The following BRCA2 variants were observed in gnomAD, a reference collection of about 807,000 sequenced individuals.
The protein encoded by BRCA2 is BRCA2 DNA repair associated, also known as breast cancer type 2 susceptibility protein.
A neutral mutation model predicts 276.7 loss-of-function variants in BRCA2; 203 were observed. The observed-to-expected ratio is 0.73, with a 90% CI of 0.65 to 0.82. The LOEUF (loss-of-function observed/expected upper bound fraction) is 0.82, where lower values mean the gene tolerates loss of function less well. Ranked by LOEUF, BRCA2 falls within the 40% of genes least tolerant of loss-of-function variation. The pLI, the probability that BRCA2 is intolerant of heterozygous loss-of-function variation, is 0.00. For missense variants in BRCA2, 3,920 were observed against 3,915.0 expected (o/e 1.00, Z -0.03); for synonymous variants, 1,289 against 1,338.4 (o/e 0.96, Z 0.81).
chr13:32,351,266 C>T (rs950476374), intron 13 of BRCA2, among the ~76,000 whole-genome samples: 3 of 152,126 alleles, frequency 2.0e-5, no homozygotes, highest in Admixed American at 6.5e-5. Context: ...TCAGCAAGAC[C>T]ACGAACCCAC....
chr13:32,375,155 C>T (rs546924653), intron 20 of BRCA2, among the ~76,000 whole-genome samples: 1 of 152,344 alleles, frequency 6.6e-6, no homozygotes, highest in South Asian at 2.1e-4. Flanking sequence ...ATCCAGTTAC[C>T]TCCCACCAGG....
rs2137472762 is a variant in BRCA2 at position 32,333,050 on chromosome 13, G to C, written c.1572G>C (p.Met524Ile). The C allele has an allele frequency of 1.9e-6, 3 of 1,608,728 alleles. No individual in the cohort carries two copies. The highest frequency in any genetic ancestry group is 2.5e-6 in the Non-Finnish European group (3 of 1,178,810). ...ETFNASFSGH[M>I]TDPNFKKETE... is the part of the protein sequence containing the mutation. Reference sequence around the variant, plus strand: ...TCAATGCAAGTTTTTCAGGTCATATGACTGATCCAAACTTTAAAAAAGAAA... The same window carrying C: ...TCAATGCAAGTTTTTCAGGTCATATCACTGATCCAAACTTTAAAAAAGAAA... The change falls in exon 10 of 27, where the codon ATG becomes ATC. Residue 524 changes from methionine (M) to isoleucine (I), a missense_variant. Physicochemically the swap from Met to Ile is conservative, Grantham distance 10 (BLOSUM62 1). Transcript: ENST00000380152.
Position 32,398,420 on chromosome 13 carries a change from A to T in BRCA2, c.9907A>T (p.Ser3303Cys), listed in dbSNP as rs276174930. Residue 3303 changes from serine (S) to cysteine (C), a missense_variant, in exon 27 of 27, where the codon AGT (serine) becomes TGT (cysteine). Ser to Cys is a moderately radical substitution (Grantham distance 112). This residue lies in a region of BRCA2 where 657 missense variants were observed against 758.2 expected (regional missense o/e 0.87). Transcript: ENST00000380152. ...ACAGAAGGCATTTCAGCCACCAAGG[A>T]GTTGTGGCACCAAATACGAAACACC... ...AAQKAFQPPR[S>C]CGTKYETPIK... 6.2e-7 allele frequency: 1 copy of T among 1,614,190 alleles called. No homozygotes were observed. Among genetic ancestry groups the T allele is most frequent in the Non-Finnish European group, 8.5e-7 (1 of 1,180,032 alleles).
chr13:32,344,477 T>A, intron 11 of BRCA2, 81 bp from the exon 12 acceptor site: 1 of 904,940 alleles, frequency 1.1e-6, no homozygotes, highest in South Asian at 1.5e-5. Context: ...ACTTTAGCTT[T>A]AAAAAAATGG....
chr13:32,366,726 G>A (rs987342218), intron 18 of BRCA2, among the ~76,000 whole-genome samples: 4 of 152,012 alleles, frequency 2.6e-5, no homozygotes, highest in Admixed American at 6.6e-5. Context: ...GGAGGCTGAG[G>A]TGGGAGAATC....
intron 10 of BRCA2, among the ~76,000 whole-genome samples, chr13:32,333,619 A>G (rs571094984): frequency 1.3e-5 from 2 of 152,252 alleles, no homozygotes; most frequent in East Asian, 3.9e-4. Flanking sequence ...AGACAGTTTT[A>G]TTTTAAGTTC....
rs80358876 is a variant in BRCA2 at position 32,340,758 on chromosome 13, A to C, written c.6403A>C (p.Asn2135His). The change falls in exon 11 of 27, where the codon AAC (asparagine) becomes CAC (histidine). Residue 2135 changes from asparagine to histidine, a missense_variant. Physicochemically the swap from Asn to His is moderately conservative, Grantham distance 68. This residue lies in a region of BRCA2 where 3,263 missense variants were observed against 3,156.9 expected (regional missense o/e 1.03). Coordinates refer to ENST00000380152, the MANE Select transcript of BRCA2 (RefSeq NM_000059.4). ...CAGTAAAGAATTTAAATTATCAAATAACTTAAATGTTGAAGGTGGTTCTTC... is the reference window on the plus strand; with the variant it reads ...CAGTAAAGAATTTAAATTATCAAATCACTTAAATGTTGAAGGTGGTTCTTC... ...TCSKEFKLSN[N>H]LNVEGGSSEN... 2.9e-5 allele frequency: 47 copies of C among 1,604,686 alleles called. No homozygotes were observed. Among genetic ancestry groups the C allele is most frequent in the Non-Finnish European group, 4.0e-5 (47 of 1,177,340 alleles).
In BRCA2 at chr13:32,357,952, G is replaced by A. The variant is rs113653200; in HGVS notation, c.7805+23G>A. ...TAGGTACTCTATGCAAAAAGATTGTGTGTTAACTTTTATGTATTCCCTCAT... is the reference window on the plus strand; with the variant it reads ...TAGGTACTCTATGCAAAAAGATTGTATGTTAACTTTTATGTATTCCCTCAT... On this transcript the variant is annotated intron_variant, in intron 16 of 26. Coordinates refer to ENST00000380152, the MANE Select transcript of BRCA2 (RefSeq NM_000059.4). The A allele has an allele frequency of 1.8e-4, 288 of 1,607,866 alleles. 1 individual carries two copies. In the African/African-American group the frequency reaches 3.2e-3, roughly 18 times the overall value.
chr13:32,356,950 AT>A (rs1294865991), intron 15 of BRCA2, among the ~76,000 whole-genome samples: 2 of 152,366 alleles, frequency 1.3e-5, no homozygotes, highest in African/African-American at 4.8e-5. Flanking sequence ...TCTATGAGCT[AT>A]TTATATTTTC....
chr13:32,337,425 A>G lies in BRCA2; in HGVS notation c.3070A>G (p.Ile1024Val), dbSNP rs876659687. The part of the protein sequence containing the change: ...NKEIKLSEHN[I>V]KKSKMFFKDI... ...GGAAATCAAGCTCTCTGAACATAAC[A>G]TTAAGAAGAGCAAAATGTTCTTCAA... Residue 1024 changes from isoleucine to valine, a missense_variant, in exon 11 of 27, where the codon ATT becomes GTT. Transcript: ENST00000380152. 6.2e-7 allele frequency: 1 copy of G among 1,613,222 alleles called. No individual in the cohort carries two copies. Among genetic ancestry groups the G allele is most frequent in the Non-Finnish European group, 8.5e-7 (1 of 1,179,516 alleles).
At chr13:32,351,989 G>A (rs1173513627) in intron 13 of BRCA2, among the ~76,000 whole-genome samples, 2 of 152,168 alleles carry the variant, frequency 1.3e-5, no homozygotes, top group East Asian at 3.9e-4. Flanking sequence ...TTTTACTAGA[G>A]AAGGGGTTTC....
In BRCA2 at chr13:32,326,479, A is replaced by G. The variant is rs1555281029; in HGVS notation, c.517-20A>G. The G allele has an allele frequency of 3.2e-6, 5 of 1,554,354 alleles. No homozygotes were observed. The highest frequency in any genetic ancestry group is 4.4e-6 in the Non-Finnish European group (5 of 1,125,794). ...ATCAGGGCATTTCTATAAAAAATAA[A>G]CTATTTTCTTTCCTCCCAGGGTCGT... On this transcript the variant is annotated intron_variant, in intron 6 of 26. Transcript: ENST00000380152.
Position 32,340,407 on chromosome 13 carries a change from A to T in BRCA2, c.6052A>T (p.Ser2018Cys), listed in dbSNP as rs2137523684. Reference protein sequence around the residue: ...KQVFSKVLFKSNEHSDQLTRE... With the variant: ...KQVFSKVLFKCNEHSDQLTRE... Reference sequence around the variant, plus strand: ...AGTCTTTTCCAAAGTATTGTTTAAAAGTAACGAACATTCAGACCAGCTCAC... The same window carrying T: ...AGTCTTTTCCAAAGTATTGTTTAAATGTAACGAACATTCAGACCAGCTCAC... The change falls in exon 11 of 27, where the codon AGT becomes TGT. Residue 2018 changes from serine to cysteine, a missense_variant. Physicochemically the swap from Ser to Cys is moderately radical, Grantham distance 112. Around this residue, in one of 2 missense-constraint regions of BRCA2, gnomAD observed 3,263 missense variants for 3,156.9 expected, o/e 1.03. Coordinates refer to ENST00000380152, the MANE Select transcript of BRCA2 (RefSeq NM_000059.4). The T allele has an allele frequency of 6.2e-7, 1 of 1,613,770 alleles. No homozygotes were observed. The highest frequency in any genetic ancestry group is 8.5e-7 in the Non-Finnish European group (1 of 1,179,732).
At chr13:32,373,660 C>A in intron 20 of BRCA2, among the ~76,000 whole-genome samples, 1 of 152,218 alleles carries the variant, frequency 6.6e-6, no homozygotes, top group East Asian at 1.9e-4. Flanking sequence ...CGGCCTTGGG[C>A]AGCTCTGCCC....
Position 32,339,909 on chromosome 13 carries a change from G to T in BRCA2, c.5554G>T (p.Val1852Phe), listed in dbSNP as rs80358777. 1 of 1,608,446 alleles carries T rather than the reference G, an allele frequency of 6.2e-7. No individual in the cohort carries two copies. The change falls in exon 11 of 27, where the codon GTT (valine) becomes TTT (phenylalanine). Residue 1852 changes from valine to phenylalanine, a missense_variant. Physicochemically the swap from Val to Phe is conservative, Grantham distance 50. This residue lies in a region of BRCA2 where 3,263 missense variants were observed against 3,156.9 expected (regional missense o/e 1.03). Transcript: ENST00000380152. ...ATTTAGGATAGCCAGTGGTAAAATC[G>T]TTTGTGTTTCACATGAAACAATTAA... ...PAFRIASGKI[V>F]CVSHETIKKV...
intron 24 of BRCA2, among the ~76,000 whole-genome samples, chr13:32,386,504 CAA>C (rs1208654568): frequency 6.6e-6 from 1 of 151,526 alleles, no homozygotes; most frequent in African/African-American, 2.4e-5. Flanking sequence ...AACAGTTACT[CAA>C]ATCTGATAAA....
chr13:32,342,099 C>G (rs930943705), intron 11 of BRCA2, among the ~76,000 whole-genome samples: 2 of 151,688 alleles, frequency 1.3e-5, no homozygotes, highest in African/African-American at 4.8e-5. Context: ...TGGTGAAACC[C>G]CATCTTTACT....
intron 4 of BRCA2, among the ~76,000 whole-genome samples, 187 bp downstream of exon 4, chr13:32,325,371 AGTT>A (rs2072336941): frequency 6.6e-6 from 1 of 152,086 alleles, no homozygotes; most frequent in Non-Finnish European, 1.5e-5. Context: ...GAAACATGTA[AGTT>A]GTTGTTCTTG....
Position 32,398,280 on chromosome 13 carries a change from A to G in BRCA2, c.9767A>G (p.Glu3256Gly), listed in dbSNP as rs1198621190. 3 of 1,613,996 alleles carry G rather than the reference A, an allele frequency of 1.9e-6. No homozygotes were observed. Among genetic ancestry groups the G allele is most frequent in the Non-Finnish European group, 2.5e-6 (3 of 1,180,030 alleles). Residue 3256 changes from glutamate to glycine, a missense_variant, in exon 27 of 27, where the codon GAG becomes GGG. Glu to Gly is a moderately conservative substitution (Grantham distance 98). Transcript: ENST00000380152. ...ATGACTTCAAAGTCTTGTAAAGGGGAGAAAGAGATTGATGACCAAAAGAAC... is the reference window on the plus strand; with the variant it reads ...ATGACTTCAAAGTCTTGTAAAGGGGGGAAAGAGATTGATGACCAAAAGAAC... ...AQMTSKSCKGEKEIDDQKNCK... is the reference protein window; with the variant it reads ...AQMTSKSCKGGKEIDDQKNCK...
Sources: allele counts gnomAD v4.1 joint callset (sites outside exome capture counted in the v4.1 genomes callset), GRCh38; gene constraint gnomAD v4.1.1; regional missense constraint gnomAD v4.1.1; transcripts MANE v1.5; gene names NCBI Gene and HGNC (gene_info 2026-07-23, HGNC 2026-07-21).